PTPRD: variants seen among roughly 807,000 people sequenced by gnomAD.
PTPRD encodes the protein protein tyrosine phosphatase receptor type D.
PTPRD carries 34 observed loss-of-function variants against 214.5 expected under a neutral mutation model. The observed-to-expected ratio is 0.16, with a 90% CI of 0.12 to 0.21. The LOEUF (loss-of-function observed/expected upper bound fraction) is 0.21. PTPRD is among the 10% of genes least tolerant of loss of function. The pLI is 1.00. For synonymous variants in PTPRD, 1,128 were observed against 845.7 expected (o/e 1.33, Z -5.79); for missense variants, 2,545 against 2,398.7 (o/e 1.06, Z -1.27).
intron 9 of PTPRD, among the ~76,000 whole-genome samples, chr9:9,382,894 C>T (rs1327347460): frequency 6.6e-6 from 1 of 151,994 alleles, no homozygotes; most frequent in Non-Finnish European, 1.5e-5. Flanking sequence ...GACACAAAAA[C>T]AACCAACCTA....
intron 7 of PTPRD, among the ~76,000 whole-genome samples, chr9:9,589,898 T>C (rs1007362144): frequency 5.9e-5 from 9 of 151,866 alleles, no homozygotes; most frequent in African/African-American, 1.9e-4. Flanking sequence ...TGGGAGAAGA[T>C]GCTGGGTCAT....
intron 5 of PTPRD, among the ~76,000 whole-genome samples, chr9:9,773,441 T>A (rs970051024): frequency 1.3e-5 from 2 of 152,278 alleles, no homozygotes; most frequent in African/African-American, 4.8e-5. Context: ...TTGACAGTGA[T>A]GACATCCAAT....
At chr9:9,149,578 T>C (rs2099874538) in intron 10 of PTPRD, among the ~76,000 whole-genome samples, 1 of 152,180 alleles carries the variant, frequency 6.6e-6, no homozygotes, top group Admixed American at 6.5e-5. Flanking sequence ...AGCAACATGT[T>C]CATGAAAGAC....
intron 7 of PTPRD, among the ~76,000 whole-genome samples, chr9:9,635,608 A>G (rs541004225): frequency 3.0e-4 from 46 of 152,126 alleles, no homozygotes; most frequent in Admixed American, 5.2e-4. Context: ...CAAATGCAGT[A>G]CTCCTGTAAC....
At chr9:8,680,139 C>G in intron 12 of PTPRD, among the ~76,000 whole-genome samples, 1 of 151,576 alleles carries the variant, frequency 6.6e-6, no homozygotes, top group East Asian at 1.9e-4. Context: ...TTTATATTAT[C>G]TATTTAAAAT....
At chr9:8,489,438 C>G (rs1182622974) in intron 27 of PTPRD, among the ~76,000 whole-genome samples, 1 of 152,146 alleles carries the variant, frequency 6.6e-6, no homozygotes, top group Non-Finnish European at 1.5e-5. Flanking sequence ...CATTCCTTCC[C>G]TGGGCAGAAG....
chr9:8,771,120 G>A (rs768437861), intron 11 of PTPRD, among the ~76,000 whole-genome samples: 3 of 149,540 alleles, frequency 2.0e-5, no homozygotes, highest in African/African-American at 7.5e-5. Flanking sequence ...GGCAGAGCTT[G>A]CAGTGAGCCG....
chr9:9,571,327 A>C (rs191713595), intron 8 of PTPRD, among the ~76,000 whole-genome samples: 35 of 151,472 alleles, frequency 2.3e-4, no homozygotes, highest in Admixed American at 7.3e-4. Context: ...TTCTCTCTCT[A>C]TATATATCTC....
At chr9:8,471,791 A>C (rs1484111312) in intron 30 of PTPRD, among the ~76,000 whole-genome samples, 1 of 152,162 alleles carries the variant, frequency 6.6e-6, no homozygotes, top group African/African-American at 2.4e-5. Flanking sequence ...ACTAAAATTT[A>C]AGGAATGTAT....
In PTPRD at chr9:8,331,740, TAGAAGGAAAGCCAC is replaced by T; in HGVS notation, c.5380-18_5380-5del. 4 of 1,582,750 alleles carry T rather than the reference TAGAAGGAAAGCCAC, an allele frequency of 2.5e-6. No homozygotes were observed. The highest frequency in any genetic ancestry group is 3.4e-6 in the Non-Finnish European group (4 of 1,165,862). ...TTACTGTTCGGGACTGGCCGTCCTTTAGAAGGAAAGCCACATACCCGGCCGCAAAGGAAGACGCC... is the reference window on the plus strand; with the variant it reads ...TTACTGTTCGGGACTGGCCGTCCTTTATACCCGGCCGCAAAGGAAGACGCC... On this transcript the variant is annotated splice_region_variant and splice_polypyrimidine_tract_variant and intron_variant, in intron 43 of 45. Coordinates refer to ENST00000381196, the MANE Select transcript of PTPRD (RefSeq NM_002839.4).
At chr9:8,474,382 G>A (rs2096721317) in intron 30 of PTPRD, among the ~76,000 whole-genome samples, 1 of 151,828 alleles carries the variant, frequency 6.6e-6, no homozygotes, top group South Asian at 2.1e-4. Context: ...TCATAGGTCG[G>A]GCCCACGTAC....
intron 11 of PTPRD, among the ~76,000 whole-genome samples, chr9:8,849,932 C>A (rs1164986869): frequency 6.6e-6 from 1 of 151,770 alleles, no homozygotes; most frequent in African/African-American, 2.4e-5. Context: ...TAAGAAGCTG[C>A]GTATGGAGTG....
chr9:9,489,925 T>C (rs144638627), intron 8 of PTPRD, among the ~76,000 whole-genome samples: 378 of 152,076 alleles, frequency 2.5e-3, no homozygotes, highest in African/African-American at 8.6e-3. Flanking sequence ...TTTAAGTAAG[T>C]TGAACAAAGA....
At chr9:8,643,115 G>C (rs1381055816) in intron 12 of PTPRD, among the ~76,000 whole-genome samples, 1 of 152,100 alleles carries the variant, frequency 6.6e-6, no homozygotes, top group African/African-American at 2.4e-5. Context: ...ATTGTTTATG[G>C]TATTTCTTTT....
At chr9:9,677,997 G>T (rs564930067) in intron 7 of PTPRD, among the ~76,000 whole-genome samples, 6 of 152,128 alleles carry the variant, frequency 3.9e-5, no homozygotes, top group African/African-American at 1.4e-4. Context: ...AAATACCTAG[G>T]AATTCAACTT....
At chr9:9,101,885 C>T (rs370232647) in intron 10 of PTPRD, among the ~76,000 whole-genome samples, 11 of 151,872 alleles carry the variant, frequency 7.2e-5, no homozygotes, top group Admixed American at 1.3e-4. Flanking sequence ...AATTTTAATC[C>T]GTATTTTTTA....
At chr9:9,692,428 G>C (rs1009027964) in intron 7 of PTPRD, among the ~76,000 whole-genome samples, 2 of 151,938 alleles carry the variant, frequency 1.3e-5, no homozygotes, top group Non-Finnish European at 2.9e-5. Context: ...TCAAAAATGA[G>C]CCCACTGTAG....
intron 9 of PTPRD, among the ~76,000 whole-genome samples, chr9:9,201,522 C>T (rs4740972): frequency 0.7 from 106,238 of 151,730 alleles, 37,625 homozygotes; most frequent in Non-Finnish European, 0.75. Context: ...ATAGGACATA[C>T]ATGGGGAATA....
intron 9 of PTPRD, among the ~76,000 whole-genome samples, chr9:9,317,176 G>T (rs1595687647): frequency 6.6e-6 from 1 of 152,178 alleles, no homozygotes; most frequent in Non-Finnish European, 1.5e-5. Flanking sequence ...CTTAAAAATT[G>T]GTTATGTTTC....
Sources: allele counts gnomAD v4.1 joint callset (sites outside exome capture counted in the v4.1 genomes callset), GRCh38; gene constraint gnomAD v4.1.1; transcripts MANE v1.5; gene names NCBI Gene and HGNC (gene_info 2026-07-23, HGNC 2026-07-21).